The following FRAS1 variants were observed in gnomAD, a reference collection of about 807,000 sequenced individuals.
FRAS1 encodes Fraser extracellular matrix complex subunit 1, also known as extracellular matrix organizing protein FRAS1.
FRAS1 carries 290 observed loss-of-function variants against 435.2 expected under a neutral mutation model. The ratio of observed to expected loss-of-function variants is 0.67; its 90% CI spans 0.61 to 0.73. The LOEUF (loss-of-function observed/expected upper bound fraction) is 0.73, where lower values mean the gene tolerates loss of function less well. FRAS1 is among the 30% of genes least tolerant of loss of function. FRAS1 has a pLI of 0.00. For missense variants in FRAS1, 4,860 were observed against 5,001.5 expected (o/e 0.97, Z 0.85); for synonymous variants, 1,800 against 1,851.0 (o/e 0.97, Z 0.71).
chr4:78,390,671 A>G (rs1732409803), intron 29 of FRAS1, among the ~76,000 whole-genome samples: 1 of 152,348 alleles, frequency 6.6e-6, no homozygotes, highest in South Asian at 2.1e-4. Flanking sequence ...ATTTATAATC[A>G]TTAAGTCTTC....
chr4:78,371,476 A>G (rs1055467074), intron 23 of FRAS1, among the ~76,000 whole-genome samples: 4 of 152,336 alleles, frequency 2.6e-5, no homozygotes, highest in African/African-American at 9.6e-5. Flanking sequence ...TTGAGTTGTT[A>G]CTATATGCCA....
intron 6 of FRAS1, among the ~76,000 whole-genome samples, chr4:78,255,819 A>G (rs1167595861): frequency 6.6e-6 from 1 of 152,258 alleles, no homozygotes; most frequent in Non-Finnish European, 1.5e-5. Context: ...GATTCAAATT[A>G]TGAAAGGATT....
chr4:78,173,455 C>G (rs1380234789), intron 2 of FRAS1, among the ~76,000 whole-genome samples: 1 of 152,208 alleles, frequency 6.6e-6, no homozygotes, highest in Non-Finnish European at 1.5e-5. Context: ...GTCCTTTACT[C>G]TCCAGATGCC....
intron 2 of FRAS1, among the ~76,000 whole-genome samples, chr4:78,217,805 C>T (rs1416940931): frequency 1.7e-5 from 2 of 120,674 alleles, no homozygotes; most frequent in African/African-American, 6.3e-5. Context: ...CCTTCTCTCC[C>T]CTCCCCTCTC....
Position 78,376,293 on chromosome 4 carries a change from A to T in FRAS1, c.3292+414A>T, listed in dbSNP as rs1464775787. Among the ~76,000 whole-genome samples, 3 of 152,208 alleles carry T rather than the reference A, an allele frequency of 2.0e-5. No homozygotes were observed. In the East Asian group the frequency reaches 5.8e-4, roughly 29 times the overall value. ...ATGGAGTGTACTTACACAAACCTAG[A>T]TGGTATAGCCTACTACACACCAAGG... On this transcript the variant is annotated intron_variant, in intron 26 of 73. Transcript: ENST00000512123.
At chr4:78,314,970 C>G (rs1476902213) in intron 15 of FRAS1, among the ~76,000 whole-genome samples, 1 of 152,110 alleles carries the variant, frequency 6.6e-6, no homozygotes, top group Non-Finnish European at 1.5e-5. Context: ...GACTACTAAG[C>G]TACTTAAAGT....
intron 2 of FRAS1, among the ~76,000 whole-genome samples, chr4:78,066,506 C>T (rs1740046258): frequency 1.3e-5 from 2 of 152,094 alleles, no homozygotes; most frequent in Non-Finnish European, 2.9e-5. Context: ...TGAACTCTTG[C>T]CATATAGGGT....
At chr4:78,218,096 T>TCACA (rs1331078788) in intron 2 of FRAS1, among the ~76,000 whole-genome samples, 11 of 10,722 alleles carry the variant, frequency 1.0e-3, no homozygotes, top group Non-Finnish European at 3.3e-3. Context: ...TCTCACTCTC[T>TCACA]CTCACACACA....
Position 78,466,285 on chromosome 4 carries a change from C to G in FRAS1, c.7107C>G (p.Phe2369Leu). Reference protein sequence around the residue: ...TIERTSNGQHFHLTSTFTMKD... With the variant: ...TIERTSNGQHLHLTSTFTMKD... ...AGCGAACCAGCAATGGGCAGCATTT[C>G]CACCTCACCTCCACCTTCACCATGA... Residue 2369 changes from phenylalanine to leucine, a missense_variant, in exon 50 of 74, where the codon TTC becomes TTG. Physicochemically the swap from Phe to Leu is conservative, Grantham distance 22. Coordinates refer to ENST00000512123, the MANE Select transcript of FRAS1 (RefSeq NM_025074.7). 1 of 1,613,918 alleles carries G rather than the reference C, an allele frequency of 6.2e-7. No individual in the cohort carries two copies. The highest frequency in any genetic ancestry group is 1.7e-4 in the Middle Eastern group (1 of 6,060).
chr4:78,344,522 C>T (rs374568097), intron 20 of FRAS1, among the ~76,000 whole-genome samples: 1 of 132,518 alleles, frequency 7.5e-6, no homozygotes, highest in African/African-American at 3.6e-5. Context: ...TTCCAGAGTA[C>T]TCAACCATTT....
chr4:78,232,506 C>A (rs1309656912), intron 2 of FRAS1, among the ~76,000 whole-genome samples: 3 of 152,040 alleles, frequency 2.0e-5, no homozygotes, highest in Admixed American at 2.0e-4. Context: ...AGTATGGTTT[C>A]AATCTCCTGA....
At chr4:78,414,656 G>A (rs1371733991) in intron 32 of FRAS1, among the ~76,000 whole-genome samples, 4 of 152,118 alleles carry the variant, frequency 2.6e-5, no homozygotes, top group Non-Finnish European at 5.9e-5. Context: ...AATGCATATG[G>A]TAAATAACTA....
At position 78,236,304 on chromosome 4, in the gene FRAS1, A is replaced by ATTTT. The variant is rs200161372; in HGVS notation, c.109-1203_109-1202insTTTT. On this transcript the variant is annotated intron_variant, in intron 2 of 73. Coordinates refer to ENST00000512123, the MANE Select transcript of FRAS1 (RefSeq NM_025074.7). The stretch of plus-strand genomic sequence containing the variant: ...AATAGTTGCATTTATTTATTTATTT[A>ATTTT]TTTATTTTTTGGCTTTGAGGTTTTT... Among the ~76,000 whole-genome samples, 2,580 of 146,656 alleles carry ATTTT rather than the reference A, an allele frequency of 0.018. 176 individuals carry two copies. The East Asian group carries it at 0.25, about 14-fold the overall frequency.
Position 78,407,824 on chromosome 4 carries a change from G to T in FRAS1, c.4291G>T (p.Asp1431Tyr), listed in dbSNP as rs371136161. The T allele has an allele frequency of 6.2e-7, 1 of 1,603,908 alleles. No homozygotes were observed. Among genetic ancestry groups the T allele is most frequent in the Admixed American group, 1.7e-5 (1 of 58,966 alleles). ...YRHSGAPAQS[D>Y]SFRFEVSSAS... ...GCACTCAGGAGCCCCAGCCCAGAGC[G>T]ACTCCTTCCGCTTCGAGGTACCCTC... Residue 1431 changes from aspartate to tyrosine, a missense_variant, in exon 31 of 74, where the codon GAC (aspartate) becomes TAC (tyrosine). Physicochemically the swap from Asp to Tyr is radical, Grantham distance 160 (BLOSUM62 -3). Transcript: ENST00000512123.
chr4:78,174,923 A>G (rs1721701283), intron 2 of FRAS1, among the ~76,000 whole-genome samples: 1 of 152,264 alleles, frequency 6.6e-6, no homozygotes, highest in Non-Finnish European at 1.5e-5. Flanking sequence ...GCAGCATCAG[A>G]ATAATGCATT....
intron 59 of FRAS1, among the ~76,000 whole-genome samples, chr4:78,494,961 A>G (rs1186815387): frequency 1.3e-5 from 2 of 152,208 alleles, no homozygotes; most frequent in East Asian, 3.8e-4. Flanking sequence ...CTAGAAGTGC[A>G]TGAGGGTTGC....
At chr4:78,437,653 A>C (rs999012787) in intron 38 of FRAS1, among the ~76,000 whole-genome samples, 1 of 152,174 alleles carries the variant, frequency 6.6e-6, no homozygotes, top group Non-Finnish European at 1.5e-5. Context: ...CCTGTACCTC[A>C]ACTAACTGTA....
At chr4:78,485,302 C>G (rs886272136) in intron 58 of FRAS1, among the ~76,000 whole-genome samples, 2 of 152,204 alleles carry the variant, frequency 1.3e-5, no homozygotes, top group African/African-American at 4.8e-5. Flanking sequence ...GCATTTATCA[C>G]TCTTACCAAC....
At chr4:78,164,814 C>A (rs939390909) in intron 2 of FRAS1, among the ~76,000 whole-genome samples, 3 of 152,162 alleles carry the variant, frequency 2.0e-5, no homozygotes, top group African/African-American at 7.2e-5. Flanking sequence ...GCGTCACTAG[C>A]CTAAACACAG....
Sources: gnomAD v4.1 joint callset for allele counts (sites outside exome capture counted in the v4.1 genomes callset) on GRCh38, gnomAD v4.1.1 for gene constraint, MANE v1.5 for transcripts, NCBI Gene and HGNC (gene_info 2026-07-23, HGNC 2026-07-21) for gene names.